Variants in LRSAM1 observed in about 807,000 individuals in gnomAD.
The protein encoded by LRSAM1 is leucine rich repeat and sterile alpha motif containing 1.
Under a neutral mutation model 118.1 loss-of-function variants are expected in LRSAM1, and 96 were observed. The observed-to-expected ratio is 0.81, with a 90% CI of 0.69 to 0.96. LRSAM1 has a LOEUF of 0.96. Ranked by LOEUF, LRSAM1 falls within the 40% of genes least tolerant of loss-of-function variation. The pLI, the probability that LRSAM1 is intolerant of heterozygous loss-of-function variation, is 0.00. For synonymous variants in LRSAM1, 322 were observed against 364.2 expected, an observed-to-expected ratio of 0.88 and a Z score of 1.32; for missense variants, 804 against 915.5, an observed-to-expected ratio of 0.88 and a Z score of 1.57.
At position 127,501,038 on chromosome 9, in the gene LRSAM1, C is replaced by G. The variant is rs1000632610; in HGVS notation, c.1941C>G (p.Val647=). The stretch of plus-strand genomic sequence containing the variant: ...TGAAACCACCAATGGGTGAGGTCGT[C>G]ACCCCTACGGCCCCCCAGGAGCCTC... ...PELKPPMGEV[V]TPTAPQEPPE... is the part of the protein sequence containing the mutation. The change falls in exon 25 of 26, where the codon GTC becomes GTG. Residue 647 remains valine, a synonymous_variant. Coordinates refer to ENST00000300417, the MANE Select transcript of LRSAM1 (RefSeq NM_001005373.4). 6.2e-7 allele frequency: 1 copy of G among 1,614,032 alleles called. No individual in the cohort carries two copies. The highest frequency in any genetic ancestry group is 8.5e-7 in the Non-Finnish European group (1 of 1,180,026).
intron 11 of LRSAM1, among the ~76,000 whole-genome samples, chr9:127,475,641 A>G (rs1835324822): frequency 6.6e-6 from 1 of 152,240 alleles, no homozygotes; most frequent in Admixed American, 6.5e-5. Context: ...TGGCCAGAGT[A>G]TGGGAAAACA....
chr9:127,454,226 A>G (rs1834431271), intron 2 of LRSAM1, among the ~76,000 whole-genome samples: 1 of 151,418 alleles, frequency 6.6e-6, no homozygotes. Flanking sequence ...AACTCACTGG[A>G]AAGTCGCAGC....
intron 2 of LRSAM1, among the ~76,000 whole-genome samples, chr9:127,453,054 A>T (rs1269722962): frequency 6.6e-6 from 1 of 152,234 alleles, no homozygotes; most frequent in South Asian, 2.1e-4. Flanking sequence ...TGAACTTAAT[A>T]AGCATCTACT....
chr9:127,462,459 C>T (rs1834784664), intron 9 of LRSAM1, 86 bp downstream of exon 9: 8 of 1,599,332 alleles, frequency 5.0e-6, no homozygotes, highest in Non-Finnish European at 6.8e-6. Flanking sequence ...TTGCTCTGAT[C>T]TCACGGTACC....
At chr9:127,484,021 A>G (rs1429369816) in intron 16 of LRSAM1, among the ~76,000 whole-genome samples, 3 of 152,112 alleles carry the variant, frequency 2.0e-5, no homozygotes, top group African/African-American at 7.2e-5. Flanking sequence ...ACCACCATCC[A>G]TCGCCAGAAC....
intron 7 of LRSAM1, among the ~76,000 whole-genome samples, chr9:127,460,080 A>G (rs1469779326): frequency 3.3e-5 from 5 of 149,644 alleles, no homozygotes; most frequent in South Asian, 4.3e-4. Context: ...GCTCACTGCA[A>G]TCTCCACCTC....
Position 127,502,959 on chromosome 9 carries a change from CT to C in LRSAM1, c.*61del. 1 of 1,550,212 alleles carries C rather than the reference CT, an allele frequency of 6.5e-7. No homozygotes were observed. Among genetic ancestry groups the C allele is most frequent in the Non-Finnish European group, 8.7e-7 (1 of 1,148,548 alleles). On this transcript the variant is annotated 3_prime_UTR_variant, in exon 26 of 26. Transcript: ENST00000300417. Reference sequence around the variant, plus strand: ...TGCCTCGGCCACTGTGAGCCCCGGGCTCCTGCTCAGCCTTGTGCCAGCCAGA... The same window carrying C: ...TGCCTCGGCCACTGTGAGCCCCGGGCCCTGCTCAGCCTTGTGCCAGCCAGA...
intron 5 of LRSAM1, among the ~76,000 whole-genome samples, chr9:127,456,416 A>AGC: frequency 7.7e-6 from 1 of 130,688 alleles, no homozygotes; most frequent in South Asian, 2.4e-4. Flanking sequence ...GTATTTTTAG[A>AGC]GATGAGGTTT....
chr9:127,469,073 G>A (rs1835068944), intron 10 of LRSAM1, among the ~76,000 whole-genome samples: 1 of 152,118 alleles, frequency 6.6e-6, no homozygotes, highest in South Asian at 2.1e-4. Flanking sequence ...GATGATATTT[G>A]CAATACATAT....
chr9:127,458,906 G>A (rs1834628464), intron 6 of LRSAM1, 97 bp from the exon 7 acceptor site: 4 of 1,120,508 alleles, frequency 3.6e-6, no homozygotes, highest in Non-Finnish European at 5.4e-6. Flanking sequence ...TTCTGCACTG[G>A]GGGTGTGAGG....
chr9:127,473,963 T>A (rs1835266989), intron 11 of LRSAM1, 32 bp downstream of exon 11: 9 of 1,609,938 alleles, frequency 5.6e-6, no homozygotes, highest in Non-Finnish European at 7.6e-6. Context: ...CACGCATACA[T>A]GTGTGTGTGT....
At chr9:127,477,150 A>G (rs1001035804) in intron 11 of LRSAM1, among the ~76,000 whole-genome samples, 3 of 152,166 alleles carry the variant, frequency 2.0e-5, no homozygotes, top group African/African-American at 7.2e-5. Flanking sequence ...CAAAGGCACA[A>G]ATTATATATG....
intron 14 of LRSAM1, 68 bp downstream of exon 14, chr9:127,480,046 G>A: frequency 1.2e-6 from 2 of 1,605,290 alleles, no homozygotes; most frequent in Admixed American, 3.3e-5. Context: ...GAGCCGGGAG[G>A]AGTGTGTTTC....
intron 24 of LRSAM1, among the ~76,000 whole-genome samples, chr9:127,499,946 G>A (rs1400634257): frequency 6.6e-6 from 1 of 151,586 alleles, no homozygotes; most frequent in East Asian, 1.9e-4. Flanking sequence ...AAAAACTTTA[G>A]TTTTTCCTGT....
chr9:127,457,292 A>G, intron 5 of LRSAM1, 24 bp from the exon 6 acceptor site: 1 of 1,613,688 alleles, frequency 6.2e-7, no homozygotes, highest in African/African-American at 1.3e-5. Context: ...TCAGCCCAGC[A>G]TGGCCGCACA....
rs1432870930 is a variant in LRSAM1, at chr9:127,452,041, C to T, written c.-76C>T. The T allele has an allele frequency of 6.6e-6, 1 of 152,204 alleles. No homozygotes were observed. Among genetic ancestry groups the T allele is most frequent in the African/African-American group, 2.4e-5 (1 of 41,430 alleles). The allele number at this position is 152,204 out of a possible 1,614,324, so 9.4% of individuals were successfully genotyped here. On this transcript the variant is annotated 5_prime_UTR_variant, in exon 2 of 26. Transcript: ENST00000300417. ...AGTGATCGGCCTGCCCTCGGGTGCA[C>T]CCGCGGGTCCCAACGTGGGGGATCC...
In LRSAM1 at chr9:127,502,848, G is replaced by A. The variant is rs570732998; in HGVS notation, c.2121G>A (p.Pro707=). 2.3e-4 allele frequency: 370 copies of A among 1,611,738 alleles called. 2 individuals carry two copies. Among genetic ancestry groups the A allele is most frequent in the African/African-American group, 1.1e-4 (8 of 74,992 alleles). Residue 707 remains proline, a synonymous_variant, in exon 26 of 26, where the codon CCG becomes CCA. Transcript: ENST00000300417. The part of the protein sequence containing the change: ...QQCCQPLRTC[P]LCRQDIAQRL... ...GCTGCCAGCCACTGCGCACCTGCCC[G>A]CTGTGCCGCCAGGACATCGCCCAGC...
rs148930193 is a variant in LRSAM1, at chr9:127,482,738, G to A, written c.1089-212G>A. On this transcript the variant is annotated intron_variant, in intron 15 of 25. Transcript: ENST00000300417. ...TCTTTTGCCCATTTTCTAAGGGAGCGTCCATCTTTTTACACAAGATACTCG... is the reference window on the plus strand; with the variant it reads ...TCTTTTGCCCATTTTCTAAGGGAGCATCCATCTTTTTACACAAGATACTCG... Among the ~76,000 whole-genome samples, 823 of 152,254 alleles carry A rather than the reference G, an allele frequency of 5.4e-3. 2 individuals are homozygous for A. The highest frequency in any genetic ancestry group is 0.027 in the Middle Eastern group (8 of 294).
At chr9:127,484,263 C>CTTTT (rs35834839) in intron 16 of LRSAM1, among the ~76,000 whole-genome samples, 5 of 133,682 alleles carry the variant, frequency 3.7e-5, no homozygotes, top group Admixed American at 3.1e-4. Flanking sequence ...ATTTCTTTCC[C>CTTTT]TTTTTTTTTT....
Sources: allele counts gnomAD v4.1 joint callset (sites outside exome capture counted in the v4.1 genomes callset), GRCh38; gene constraint gnomAD v4.1.1; transcripts MANE v1.5; gene names NCBI Gene and HGNC (gene_info 2026-07-23, HGNC 2026-07-21).